PHACTR1: variants seen among roughly 807,000 people sequenced by gnomAD.
PHACTR1 encodes phosphatase and actin regulator 1, also known as RPEL repeat containing 1.
PHACTR1 carries 16 observed loss-of-function variants against 69.2 expected under a neutral mutation model. The ratio of observed to expected loss-of-function variants is 0.23; its 90% CI spans 0.16 to 0.35. The LOEUF (loss-of-function observed/expected upper bound fraction) is 0.35, where lower values mean the gene tolerates loss of function less well. Among genes scored for constraint, PHACTR1 ranks in the 10% least tolerant of loss-of-function variants. PHACTR1 has a pLI of 1.00. For synonymous variants in PHACTR1, 312 were observed against 284.5 expected, an observed-to-expected ratio of 1.10 and a Z score of -0.97; for missense variants, 510 against 734.7, an observed-to-expected ratio of 0.69 and a Z score of 3.54.
chr6:13,101,207 G>A (rs140241191), intron 5 of PHACTR1, among the ~76,000 whole-genome samples: 11 of 152,348 alleles, frequency 7.2e-5, no homozygotes, highest in Non-Finnish European at 1.3e-4. Context: ...TGCTGTGTCA[G>A]CCCATGATGA....
intron 6 of PHACTR1, among the ~76,000 whole-genome samples, chr6:13,177,172 T>TAAAAAAAAAAAAAAAA (rs530741132): frequency 1.6e-5 from 1 of 63,376 alleles, no homozygotes; most frequent in African/African-American, 1.0e-4. Context: ...ACCCCATCTC[T>TAAAAAAAAAAAAAAAA]AAAAAAAAAA....
chr6:12,888,294 CTA>C (rs1208953119), intron 4 of PHACTR1, among the ~76,000 whole-genome samples: 3 of 152,080 alleles, frequency 2.0e-5, no homozygotes, highest in Admixed American at 1.3e-4. Context: ...CTGGTGCCAT[CTA>C]TTAGGAATGG....
intron 4 of PHACTR1, among the ~76,000 whole-genome samples, chr6:12,942,592 G>A (rs1429905221): frequency 6.6e-6 from 1 of 151,980 alleles, no homozygotes; most frequent in African/African-American, 2.4e-5. Flanking sequence ...CCAGGAGGCG[G>A]CAGGTTCAGT....
chr6:13,234,039 G>A (rs1228384664), intron 10 of PHACTR1, among the ~76,000 whole-genome samples: 2 of 152,180 alleles, frequency 1.3e-5, no homozygotes, highest in East Asian at 3.9e-4. Flanking sequence ...ATACCTCAAG[G>A]TCATTTTTGA....
At chr6:13,188,978 T>A (rs1763154215) in intron 7 of PHACTR1, among the ~76,000 whole-genome samples, 1 of 152,256 alleles carries the variant, frequency 6.6e-6, no homozygotes, top group Non-Finnish European at 1.5e-5. Flanking sequence ...CAAAAGCCAC[T>A]GTCTCCTGCC....
At chr6:12,821,199 C>T (rs1043063787) in intron 4 of PHACTR1, among the ~76,000 whole-genome samples, 7 of 152,154 alleles carry the variant, frequency 4.6e-5, no homozygotes, top group Non-Finnish European at 1.0e-4. Context: ...TGGTGGCTGA[C>T]GCCTGTAATC....
At chr6:12,904,152 A>G (rs1785478291) in intron 4 of PHACTR1, among the ~76,000 whole-genome samples, 1 of 152,246 alleles carries the variant, frequency 6.6e-6, no homozygotes, top group Non-Finnish European at 1.5e-5. Context: ...TTAAATAACC[A>G]AAACATACAT....
At chr6:13,002,107 G>A (rs1798161821) in intron 4 of PHACTR1, among the ~76,000 whole-genome samples, 1 of 152,164 alleles carries the variant, frequency 6.6e-6, no homozygotes, top group Admixed American at 6.6e-5. Context: ...CTTCCTTCAT[G>A]AGTCACCTGT....
rs1761549142 is a variant in PHACTR1, at chr6:12,717,539, C to A, written c.-251C>A. ...GGTGCAGAGGCTGAGGCTGGCGTCA[C>A]CTTCCGTTGCTAAGGTAACGTGCTC... On this transcript the variant is annotated 5_prime_UTR_variant, in exon 2 of 15. Transcript: ENST00000332995. 1 of 152,022 alleles carries A rather than the reference C, an allele frequency of 6.6e-6. No homozygotes were observed. Among genetic ancestry groups the A allele is most frequent in the African/African-American group, 2.4e-5 (1 of 41,380 alleles). The allele number at this position is 152,022 out of a possible 1,614,324, so 9.4% of individuals were successfully genotyped here.
At chr6:12,993,356 G>C (rs1412529772) in intron 4 of PHACTR1, among the ~76,000 whole-genome samples, 3 of 152,154 alleles carry the variant, frequency 2.0e-5, no homozygotes, top group African/African-American at 7.2e-5. Flanking sequence ...GTTGGTTCTT[G>C]CCTTTGAAAT....
chr6:13,280,942 C>T (rs1780034753), intron 12 of PHACTR1: 3 of 1,288,132 alleles, frequency 2.3e-6, no homozygotes, highest in Admixed American at 2.3e-5. Flanking sequence ...CACAGAGGAG[C>T]GTCCTGGTGG....
chr6:12,986,778 G>C (rs77950729), intron 4 of PHACTR1, among the ~76,000 whole-genome samples: 1,871 of 152,270 alleles, frequency 0.012, 46 homozygotes, highest in African/African-American at 0.044. Flanking sequence ...TGAAGGGGAG[G>C]CGGTATTTGA....
chr6:12,927,994 T>C (rs1437131419), intron 4 of PHACTR1, among the ~76,000 whole-genome samples: 3 of 152,194 alleles, frequency 2.0e-5, no homozygotes, highest in Non-Finnish European at 4.4e-5. Flanking sequence ...CTCTCACCTG[T>C]TTTGAATGGC....
chr6:12,740,915 G>A (rs1490275143), intron 3 of PHACTR1, among the ~76,000 whole-genome samples: 3 of 151,282 alleles, frequency 2.0e-5, no homozygotes, highest in African/African-American at 7.3e-5. Flanking sequence ...AGTCTTGCTG[G>A]AGCTTAATTA....
chr6:13,087,529 T>C (rs2127817017), intron 5 of PHACTR1, among the ~76,000 whole-genome samples: 1 of 152,208 alleles, frequency 6.6e-6, no homozygotes, highest in South Asian at 2.1e-4. Context: ...TATAACTTAC[T>C]GCCTGACCAT....
At position 12,729,558 on chromosome 6, in the gene PHACTR1, G is replaced by A. The variant is rs116052791; in HGVS notation, c.103+10711G>A. ...TTATACTGTAGAGGTGGAGAATGGC[G>A]TAAGAGAAGACTAGAACAGCAGGCA... On this transcript the variant is annotated intron_variant, in intron 3 of 14. Coordinates refer to ENST00000332995, the MANE Select transcript of PHACTR1 (RefSeq NM_030948.6). Among the ~76,000 whole-genome samples the A allele has an allele frequency of 3.8e-3, 573 of 152,302 alleles. 4 individuals are homozygous for A. Among genetic ancestry groups the A allele is most frequent in the African/African-American group, 0.013 (545 of 41,568 alleles).
At chr6:13,036,062 T>G (rs902342750) in intron 4 of PHACTR1, among the ~76,000 whole-genome samples, 1 of 152,022 alleles carries the variant, frequency 6.6e-6, no homozygotes, top group Non-Finnish European at 1.5e-5. Flanking sequence ...TTCTCTATTA[T>G]ACAAAGGTGG....
At chr6:12,976,289 A>G (rs1310762422) in intron 4 of PHACTR1, among the ~76,000 whole-genome samples, 1 of 152,254 alleles carries the variant, frequency 6.6e-6, no homozygotes, top group Non-Finnish European at 1.5e-5. Context: ...CCTTTAGGAA[A>G]CAATCAAACA....
intron 7 of PHACTR1, among the ~76,000 whole-genome samples, chr6:13,205,279 C>T (rs769671074): frequency 1.3e-5 from 2 of 152,184 alleles, no homozygotes; most frequent in African/African-American, 2.4e-5. Flanking sequence ...AGCTCGAACT[C>T]GCTCACACCC....
Sources: gnomAD v4.1 joint callset for allele counts (sites outside exome capture counted in the v4.1 genomes callset) on GRCh38, gnomAD v4.1.1 for gene constraint, MANE v1.5 for transcripts, NCBI Gene and HGNC (gene_info 2026-07-23, HGNC 2026-07-21) for gene names.